LHFPL2: variants seen among roughly 807,000 people sequenced by gnomAD.
LHFPL2 encodes LHFPL tetraspan subfamily member 2 protein.
A neutral mutation model predicts 17.5 loss-of-function variants in LHFPL2; 7 were observed. The ratio of observed to expected loss-of-function variants is 0.40; its 90% CI spans 0.23 to 0.75. LHFPL2 has a LOEUF of 0.75. Among genes scored for constraint, LHFPL2 ranks in the 30% least tolerant of loss-of-function variants. The pLI, the probability that LHFPL2 is intolerant of heterozygous loss-of-function variation, is 0.37. For missense variants in LHFPL2, 241 were observed against 294.8 expected (o/e 0.82, Z 1.34); for synonymous variants, 134 against 116.2 (o/e 1.15, Z -0.99).
chr5:78,564,178 G>T (rs1363825672), intron 3 of LHFPL2, among the ~76,000 whole-genome samples: 2 of 152,110 alleles, frequency 1.3e-5, no homozygotes, highest in African/African-American at 4.8e-5. Context: ...TCTCCCTTGG[G>T]AGAAGCAGGG....
intron 4 of LHFPL2, among the ~76,000 whole-genome samples, chr5:78,499,375 C>T (rs1032327731): frequency 1.3e-5 from 2 of 152,202 alleles, no homozygotes; most frequent in Non-Finnish European, 2.9e-5. Context: ...GTCCTGATAG[C>T]AATCCTATGA....
At chr5:78,494,799 A>C (rs905503799) in intron 4 of LHFPL2, among the ~76,000 whole-genome samples, 1 of 152,208 alleles carries the variant, frequency 6.6e-6, no homozygotes, top group African/African-American at 2.4e-5. Flanking sequence ...GGGAATCTAA[A>C]TACGTGGTTT....
intron 3 of LHFPL2, among the ~76,000 whole-genome samples, chr5:78,544,619 G>A (rs528034951): frequency 1.3e-5 from 2 of 152,242 alleles, no homozygotes; most frequent in South Asian, 2.1e-4. Flanking sequence ...TGATCTGTGC[G>A]GATGCAGTGA....
chr5:78,584,619 C>T (rs989408636), intron 2 of LHFPL2, among the ~76,000 whole-genome samples: 1 of 152,172 alleles, frequency 6.6e-6, no homozygotes, highest in South Asian at 2.1e-4. Context: ...CAGGGACCCA[C>T]TTGAGGAGGC....
At chr5:78,550,871 A>G (rs1448280361) in intron 3 of LHFPL2, among the ~76,000 whole-genome samples, 1 of 152,204 alleles carries the variant, frequency 6.6e-6, no homozygotes, top group East Asian at 1.9e-4. Flanking sequence ...GTGCCCAGCC[A>G]TACTTCTGTA....
intron 3 of LHFPL2, among the ~76,000 whole-genome samples, chr5:78,529,874 G>T (rs2112355974): frequency 6.6e-6 from 1 of 152,296 alleles, no homozygotes; most frequent in Non-Finnish European, 1.5e-5. Context: ...CAAAAATCAG[G>T]CTCATGAATG....
intron 4 of LHFPL2, among the ~76,000 whole-genome samples, chr5:78,500,449 C>T (rs1470897279): frequency 1.3e-5 from 2 of 152,136 alleles, no homozygotes; most frequent in East Asian, 1.9e-4. Context: ...AGGCATCTGG[C>T]TCTCGTGAAA....
chr5:78,630,217 A>G (rs1021485241), intron 2 of LHFPL2, among the ~76,000 whole-genome samples: 1 of 152,318 alleles, frequency 6.6e-6, no homozygotes. Flanking sequence ...AGGATCAGAT[A>G]TCTCCTAGAA....
chr5:78,544,785 A>C (rs536765596), intron 3 of LHFPL2, among the ~76,000 whole-genome samples: 14 of 151,754 alleles, frequency 9.2e-5, no homozygotes, highest in South Asian at 4.2e-4. Context: ...ACACACACAC[A>C]CCCCAAAACA....
intron 2 of LHFPL2, among the ~76,000 whole-genome samples, chr5:78,589,341 C>T (rs905900327): frequency 2.0e-5 from 3 of 151,686 alleles, no homozygotes; most frequent in Non-Finnish European, 4.4e-5. Flanking sequence ...CATGGTGGCA[C>T]GCGCCTGTAA....
At chr5:78,526,172 G>T (rs1755617607) in intron 3 of LHFPL2, among the ~76,000 whole-genome samples, 1 of 151,936 alleles carries the variant, frequency 6.6e-6, no homozygotes, top group African/African-American at 2.4e-5. Flanking sequence ...CCATTTTCTT[G>T]CCTCCCCACT....
intron 4 of LHFPL2, among the ~76,000 whole-genome samples, chr5:78,495,847 G>T (rs1177784439): frequency 6.6e-6 from 1 of 152,192 alleles, no homozygotes; most frequent in East Asian, 1.9e-4. Flanking sequence ...GATGGCCATG[G>T]CTGGGTTATA....
chr5:78,585,432 T>C (rs1405942791), intron 2 of LHFPL2, among the ~76,000 whole-genome samples: 2 of 152,186 alleles, frequency 1.3e-5, no homozygotes, highest in Non-Finnish European at 2.9e-5. Flanking sequence ...TCCTTGAGCT[T>C]CCCGAGTGAG....
intron 2 of LHFPL2, among the ~76,000 whole-genome samples, chr5:78,616,763 C>T (rs1382659512): frequency 6.6e-6 from 1 of 152,212 alleles, no homozygotes; most frequent in Non-Finnish European, 1.5e-5. Flanking sequence ...TTCTCAATGA[C>T]CCCAGCATTA....
intron 3 of LHFPL2, among the ~76,000 whole-genome samples, chr5:78,555,294 G>A (rs149825518): frequency 1.2e-4 from 18 of 152,322 alleles, no homozygotes; most frequent in Non-Finnish European, 2.5e-4. Flanking sequence ...TAAATTAATA[G>A]GTGAGAATTC....
intron 3 of LHFPL2, among the ~76,000 whole-genome samples, chr5:78,533,698 A>AC (rs11380828): frequency 0.44 from 66,941 of 151,916 alleles, 14,940 homozygotes; most frequent in Middle Eastern, 0.49. Context: ...ATGTGCCAAA[A>AC]CCTCATCTGC....
chr5:78,645,540 GCATACACACACACACACACACA>G (rs1745833664), intron 1 of LHFPL2, among the ~76,000 whole-genome samples: 1 of 86,206 alleles, frequency 1.2e-5, no homozygotes, highest in Non-Finnish European at 2.3e-5. Flanking sequence ...ACAGACAGAT[GCATACACACACACACACACACA>G]CACACACACA....
intron 4 of LHFPL2, chr5:78,494,398 G>T (rs868263639): frequency 1.0e-6 from 1 of 985,202 alleles, no homozygotes; most frequent in Non-Finnish European, 1.2e-6. Flanking sequence ...TGGTGCCCTA[G>T]AAGGTAACAA....
chr5:78,531,788 T>C (rs1332441471), intron 3 of LHFPL2, among the ~76,000 whole-genome samples: 1 of 152,134 alleles, frequency 6.6e-6, no homozygotes, highest in Non-Finnish European at 1.5e-5. Context: ...TGAGACAGGG[T>C]CTCGATCTGT....
Sources: allele counts gnomAD v4.1 joint callset (sites outside exome capture counted in the v4.1 genomes callset), GRCh38; gene constraint gnomAD v4.1.1; transcripts MANE v1.5; gene names NCBI Gene and HGNC (gene_info 2026-07-23, HGNC 2026-07-21).